The following RFC2 variants were observed in gnomAD, a reference collection of about 807,000 sequenced individuals.
The protein encoded by RFC2 is A1 40 kDa subunit.
Under a neutral mutation model 44.8 loss-of-function variants are expected in RFC2, and 34 were observed. That is an observed-to-expected ratio of 0.76 (90% CI 0.58 to 1.01). RFC2 has a LOEUF of 1.01. Among genes scored for constraint, RFC2 ranks in the 50% least tolerant of loss-of-function variants. The pLI is 0.00. For synonymous variants in RFC2, 177 were observed against 168.9 expected (o/e 1.05, Z -0.37); for missense variants, 400 against 453.6 (o/e 0.88, Z 1.07).
intron 5 of RFC2, among the ~76,000 whole-genome samples, chr7:74,245,573 C>T (rs578146238): frequency 6.7e-6 from 1 of 149,922 alleles, no homozygotes; most frequent in African/African-American, 2.4e-5. Context: ...ATTAGCTGGG[C>T]GTGGTGGAGG....
chr7:74,236,093 C>G (rs1554718283), intron 9 of RFC2, among the ~76,000 whole-genome samples: 1 of 152,226 alleles, frequency 6.6e-6, no homozygotes, highest in African/African-American at 2.4e-5. Flanking sequence ...GACCATTCAT[C>G]TGCTAGCTTC....
intron 3 of RFC2, 48 bp from the exon 4 acceptor site, chr7:74,249,166 C>G (rs372846015): frequency 6.2e-7 from 1 of 1,612,122 alleles, no homozygotes; most frequent in African/African-American, 1.3e-5. Context: ...AGAAGGACCT[C>G]AGGTAGCTCT....
intron 10 of RFC2, among the ~76,000 whole-genome samples, chr7:74,234,190 A>G (rs1052892952): frequency 1.3e-5 from 2 of 152,186 alleles, no homozygotes. Flanking sequence ...TGCTACAGTG[A>G]AAGAAAGAAG....
rs1012828079 is a variant in RFC2 at position 74,239,840 on chromosome 7, T to C, written c.693+98A>G. ...GTGCCAGGTCTCTGTCTCTTTCTCT[T>C]GTTGTACCTTGTGCAGCTGTCACTT... On this transcript the variant is annotated intron_variant, in intron 7 of 10. Coordinates refer to ENST00000055077, the MANE Select transcript of RFC2 (RefSeq NM_181471.3). 2.1e-5 allele frequency: 24 copies of C among 1,165,640 alleles called. No homozygotes were observed. The African/African-American group carries it at 3.7e-4, about 18-fold the overall frequency. 72.2% of individuals were successfully genotyped at this position (1,165,640 alleles called of 1,614,324 possible).
Position 74,235,630 on chromosome 7 carries a change from A to C in RFC2, c.856T>G (p.Trp286Gly), listed in dbSNP as rs781808435. Residue 286 changes from tryptophan (W) to glycine (G), a missense_variant, in exon 10 of 11, where the codon TGG (tryptophan) becomes GGG (glycine). Physicochemically the swap from Trp to Gly is radical, Grantham distance 184. Transcript: ENST00000055077. ...TCTTCTGGTGAGTAGCCCAGATGCC[A>C]CAAGTGAGCAAGAATCTAGACAAAG... ...DEAYKILAHL[W>G]HLGYSPEDII... 2.5e-6 allele frequency: 4 copies of C among 1,610,642 alleles called. No individual in the cohort carries two copies. In the East Asian group the frequency reaches 8.9e-5, roughly 36 times the overall value.
intron 6 of RFC2, among the ~76,000 whole-genome samples, chr7:74,241,091 C>A (rs192374673): frequency 2.3e-3 from 345 of 152,090 alleles, no homozygotes; most frequent in Non-Finnish European, 4.5e-3. Flanking sequence ...CTATCACACC[C>A]GGCTAATTTT....
Position 74,235,727 on chromosome 7 carries a change from G to A in RFC2, c.841-82C>T, listed in dbSNP as rs1802980575. ...GATTTTGAGACTCACCACAGCTGGT[G>A]GGGCCCACCCTTCAGGTCACATGGG... On this transcript the variant is annotated intron_variant, in intron 9 of 10. Coordinates refer to ENST00000055077, the MANE Select transcript of RFC2 (RefSeq NM_181471.3). 5.4e-6 allele frequency: 5 copies of A among 926,552 alleles called. No homozygotes were observed. The South Asian group carries it at 6.5e-5, about 12-fold the overall frequency. The allele number at this position is 926,552 out of a possible 1,614,324, so 57.4% of individuals were successfully genotyped here.
chr7:74,231,632 C>G lies in RFC2; in HGVS notation c.*474G>C, dbSNP rs1554717028. 1 of 155,582 alleles carries G rather than the reference C, an allele frequency of 6.4e-6. No individual in the cohort carries two copies. Among genetic ancestry groups the G allele is most frequent in the Non-Finnish European group, 1.4e-5 (1 of 69,968 alleles). The allele number at this position is 155,582 out of a possible 1,614,324, so 9.6% of individuals were successfully genotyped here. On this transcript the variant is annotated 3_prime_UTR_variant, in exon 11 of 11. Coordinates refer to ENST00000055077, the MANE Select transcript of RFC2 (RefSeq NM_181471.3). ...ATGGGGTGGAGGCCAAACTCAAACA[C>G]TTGCGGGGCACAGACGTCCCAGAAG...
chr7:74,238,845 C>A lies in RFC2; in HGVS notation c.759+78G>T. The stretch of plus-strand genomic sequence containing the variant: ...GCTAGATGTCCGTCCCCACTGCCAG[C>A]CCAGCCCTTCAGCCCCACTGGCCCC... On this transcript the variant is annotated intron_variant, in intron 8 of 10. Transcript: ENST00000055077. This position sits in a 1 kb window ranked among gnomAD's most constrained non-coding sequence, Gnocchi z 4.0. 8.3e-7 allele frequency: 1 copy of A among 1,211,842 alleles called. No individual in the cohort carries two copies. 75.1% of individuals were successfully genotyped at this position (1,211,842 alleles called of 1,614,324 possible). A position where few individuals can be genotyped will look rare whatever the true frequency, so the allele number is the denominator to read the frequency against.
rs782354259 is a variant in RFC2 at position 74,240,018 on chromosome 7, CAT to C, written c.611_612del (p.Asn204SerfsTer11). ...TDAQILTRLM[N>X]VIEKERVPYT... ...TAGGGTACCCTCTCCTTCTCGATAA[CAT>C]TCATCAGCCTGGTGAGGATCTGGGC... is the stretch of plus-strand genomic sequence containing the variant. On this transcript the variant is annotated frameshift_variant, in exon 7 of 11. Transcript: ENST00000055077. LOFTEE classifies it high-confidence loss of function. The C allele has an allele frequency of 1.2e-6, 2 of 1,614,040 alleles. No individual in the cohort carries two copies. Among genetic ancestry groups the C allele is most frequent in the South Asian group, 2.2e-5 (2 of 91,074 alleles).
At chr7:74,243,080 C>G in intron 6 of RFC2, 66 bp downstream of exon 6, 1 of 1,036,118 alleles carries the variant, frequency 9.7e-7, no homozygotes, top group Non-Finnish European at 1.5e-6. Context: ...GAGACCACAT[C>G]TATAAAAAAG....
chr7:74,251,525 C>G (rs1467791267), intron 2 of RFC2, among the ~76,000 whole-genome samples: 1 of 152,052 alleles, frequency 6.6e-6, no homozygotes, highest in Non-Finnish European at 1.5e-5. Context: ...CAAGGCCGCT[C>G]GTGGTGGCTC....
At chr7:74,249,478 T>C (rs1554720659) in intron 3 of RFC2, among the ~76,000 whole-genome samples, 1 of 151,078 alleles carries the variant, frequency 6.6e-6, no homozygotes, top group Non-Finnish European at 1.5e-5. Context: ...GAGGGAGAGG[T>C]TGCGGTGAGC....
chr7:74,252,677 G>T (rs781865519), intron 1 of RFC2, among the ~76,000 whole-genome samples, 179 bp from the exon 2 acceptor site: 2 of 152,174 alleles, frequency 1.3e-5, no homozygotes, highest in Non-Finnish European at 2.9e-5. Context: ...GCTCACACCT[G>T]TAATCCTAGC....
chr7:74,232,355 C>T (rs1802780381), intron 10 of RFC2, 139 bp from the exon 11 acceptor site: 1 of 592,092 alleles, frequency 1.7e-6, no homozygotes, highest in Non-Finnish European at 3.0e-6. Flanking sequence ...GAATTCCAAC[C>T]CCAGCCGGAA....
intron 3 of RFC2, 165 bp from the exon 4 acceptor site, chr7:74,249,283 A>G (rs1803799209): frequency 4.5e-6 from 6 of 1,327,852 alleles, no homozygotes; most frequent in Non-Finnish European, 5.2e-6. Context: ...GCTCACACCT[A>G]TAATCCCAGC....
Position 74,232,025 on chromosome 7 carries a change from C to A in RFC2, c.*81G>T. 2 of 831,282 alleles carry A rather than the reference C, an allele frequency of 2.4e-6. No homozygotes were observed. Among genetic ancestry groups the A allele is most frequent in the Non-Finnish European group, 2.0e-6 (1 of 488,248 alleles). 51.5% of individuals were successfully genotyped at this position (831,282 alleles called of 1,614,324 possible). On this transcript the variant is annotated 3_prime_UTR_variant, in exon 11 of 11. Coordinates refer to ENST00000055077, the MANE Select transcript of RFC2 (RefSeq NM_181471.3). ...CAGTCATGTTGGCTCCAGCCTAAGG[C>A]GGCATTTTCCCCCATCAGAAAGCCG...
intron 10 of RFC2, among the ~76,000 whole-genome samples, chr7:74,232,635 G>A (rs1554717400): frequency 6.6e-6 from 1 of 152,216 alleles, no homozygotes; most frequent in Non-Finnish European, 1.5e-5. Context: ...GGGAGGTCAA[G>A]GCAGGTGGAT....
At chr7:74,249,968 A>G (rs1048035821) in intron 2 of RFC2, 188 bp from the exon 3 acceptor site, 31 of 621,480 alleles carry the variant, frequency 5.0e-5, no homozygotes, top group Admixed American at 7.0e-5. Flanking sequence ...CCTGGGCAAC[A>G]CAGTGAGACT....
Sources: allele counts gnomAD v4.1 joint callset (sites outside exome capture counted in the v4.1 genomes callset), GRCh38; gene constraint gnomAD v4.1.1; non-coding constraint Gnocchi (gnomAD v3.1); transcripts MANE v1.5; gene names NCBI Gene and HGNC (gene_info 2026-07-23, HGNC 2026-07-21).